The following GLIS3 variants were observed in gnomAD, a reference collection of about 807,000 sequenced individuals.
GLIS3 encodes the protein zinc finger protein GLIS3.
In GLIS3, 53 loss-of-function variants were observed where a neutral mutation model predicts 78.6. The observed-to-expected ratio is 0.67, with a 90% confidence interval of 0.54 to 0.85. The LOEUF is 0.85. Among genes scored for constraint, GLIS3 ranks in the 40% least tolerant of loss-of-function variants. GLIS3 has a pLI of 0.00. For missense variants in GLIS3, 1,703 were observed against 1,231.1 expected (o/e 1.38, Z -5.74); for synonymous variants, 684 against 509.9 (o/e 1.34, Z -4.60).
At chr9:3,898,368 T>C in intron 7 of GLIS3, 1 of 379,382 alleles carries the variant, frequency 2.6e-6, no homozygotes, top group South Asian at 2.3e-5. Context: ...GCTACCTGCT[T>C]AAGGAGGAAA....
At chr9:4,338,023 G>T (rs1318770586) in intron 2 of GLIS3, among the ~76,000 whole-genome samples, 8 of 115,706 alleles carry the variant, frequency 6.9e-5, no homozygotes, top group Non-Finnish European at 3.6e-5. Flanking sequence ...GATTGGCAAG[G>T]CTGTGTGTGT....
chr9:3,975,739 G>A (rs1818732034), intron 4 of GLIS3, among the ~76,000 whole-genome samples: 1 of 152,098 alleles, frequency 6.6e-6, no homozygotes, highest in South Asian at 2.1e-4. Flanking sequence ...ATCGTGACAA[G>A]TCTCACAGAT....
chr9:4,040,052 C>G lies in GLIS3; in HGVS notation c.1710+77716G>C, dbSNP rs532493030. Reference sequence around the variant, plus strand: ...CCAAACAGAGGGTAACTGAGACCTCCTGTTTAATGAAATTACATCCTCTGC... The same window carrying G: ...CCAAACAGAGGGTAACTGAGACCTCGTGTTTAATGAAATTACATCCTCTGC... On this transcript the variant is annotated intron_variant, in intron 4 of 10. Coordinates refer to ENST00000381971, the MANE Select transcript of GLIS3 (RefSeq NM_001042413.2). Among the ~76,000 whole-genome samples the G allele has an allele frequency of 2.2e-4, 34 of 152,236 alleles. 2 individuals are homozygous for G. In the South Asian group the frequency reaches 7.1e-3, roughly 32 times the overall value.
At chr9:4,338,527 C>A (rs1353128963) in intron 2 of GLIS3, among the ~76,000 whole-genome samples, 1 of 152,052 alleles carries the variant, frequency 6.6e-6, no homozygotes, top group Non-Finnish European at 1.5e-5. Flanking sequence ...ATCTACTAGT[C>A]AATGACTGTA....
the GLIS3 span, among the ~76,000 whole-genome samples, chr9:4,370,883 T>C: frequency 4.6e-5 from 7 of 151,968 alleles, no homozygotes; most frequent in Non-Finnish European, 7.4e-5. Flanking sequence ...AACCACAAAT[T>C]AGTGAAACCT....
intron 4 of GLIS3, among the ~76,000 whole-genome samples, chr9:4,089,899 T>C (rs551203709): frequency 1.3e-5 from 2 of 152,286 alleles, no homozygotes; most frequent in South Asian, 4.1e-4. Context: ...AAATCCACAT[T>C]TCCGGGTGAT....
rs79895132 is a variant in GLIS3 at position 3,825,432 on chromosome 9, T to A, written c.*2840A>T. On this transcript the variant is annotated 3_prime_UTR_variant, in exon 11 of 11. Transcript: ENST00000381971. Reference sequence around the variant, plus strand: ...AATGAAATGTCTCTAGGCAGACTGATTTTTTTTTTAATGCAATAGGATAAT... The same window carrying A: ...AATGAAATGTCTCTAGGCAGACTGAATTTTTTTTTAATGCAATAGGATAAT... 8.4e-6 allele frequency: 1 copy of A among 119,032 alleles called. No individual in the cohort carries two copies. Among genetic ancestry groups the A allele is most frequent in the African/African-American group, 2.6e-5 (1 of 37,966 alleles). The allele number at this position is 119,032 out of a possible 1,614,324, so 7.4% of individuals were successfully genotyped here.
At chr9:4,377,997 AG>A in the GLIS3 span, among the ~76,000 whole-genome samples, 2 of 152,212 alleles carry the variant, frequency 1.3e-5, no homozygotes, top group Non-Finnish European at 2.9e-5. Context: ...CTCTGCAGCC[AG>A]TAAAACTTAT....
Position 3,976,323 on chromosome 9 carries a change from C to T in GLIS3, c.1711-39134G>A, listed in dbSNP as rs554658905. ...TATCTTTCCAAACTTTATATTTCCACACTTGTCCAAGAGGACAGAGCTTCC... is the reference window on the plus strand; with the variant it reads ...TATCTTTCCAAACTTTATATTTCCATACTTGTCCAAGAGGACAGAGCTTCC... On this transcript the variant is annotated intron_variant, in intron 4 of 10. Coordinates refer to ENST00000381971, the MANE Select transcript of GLIS3 (RefSeq NM_001042413.2). Among the ~76,000 whole-genome samples the T allele has an allele frequency of 3.2e-3, 483 of 152,146 alleles. 2 individuals are homozygous for T. The highest frequency in any genetic ancestry group is 0.011 in the African/African-American group (471 of 41,490).
At chr9:3,847,265 G>A (rs1819114676) in intron 9 of GLIS3, among the ~76,000 whole-genome samples, 1 of 152,140 alleles carries the variant, frequency 6.6e-6, no homozygotes, top group East Asian at 1.9e-4. Context: ...GAAGTGCCCA[G>A]AGAAAAGAGG....
At chr9:4,114,236 C>T (rs1315970639) in intron 4 of GLIS3, among the ~76,000 whole-genome samples, 1 of 152,098 alleles carries the variant, frequency 6.6e-6, no homozygotes, top group Non-Finnish European at 1.5e-5. Flanking sequence ...TACTGGGCAC[C>T]GTTACCCAAC....
chr9:4,270,671 A>G (rs1826417874), intron 2 of GLIS3, among the ~76,000 whole-genome samples: 1 of 152,190 alleles, frequency 6.6e-6, no homozygotes, highest in African/African-American at 2.4e-5. Flanking sequence ...CAATAAACAT[A>G]AGTCAAACTT....
intron 2 of GLIS3, among the ~76,000 whole-genome samples, chr9:4,204,976 C>T (rs978068438): frequency 4.0e-5 from 6 of 151,346 alleles, no homozygotes; most frequent in Non-Finnish European, 8.8e-5. Flanking sequence ...TCAAGAGTTT[C>T]AGACCAACCT....
chr9:4,036,820 T>A (rs576707360), intron 4 of GLIS3, among the ~76,000 whole-genome samples: 9 of 152,320 alleles, frequency 5.9e-5, no homozygotes, highest in African/African-American at 2.2e-4. Flanking sequence ...TTTGGAGGAC[T>A]CATTCTTGAT....
At chr9:4,469,681 C>G in the GLIS3 span, among the ~76,000 whole-genome samples, 2 of 152,114 alleles carry the variant, frequency 1.3e-5, no homozygotes, top group Non-Finnish European at 2.9e-5. Flanking sequence ...CAAGAGAAAG[C>G]AGGAAAGATC....
chr9:4,478,589 C>T, the GLIS3 span, among the ~76,000 whole-genome samples: 19 of 149,650 alleles, frequency 1.3e-4, no homozygotes, highest in East Asian at 1.2e-3. Flanking sequence ...CCAGCCTGGG[C>T]GACAGAGATT....
At chr9:4,489,682 C>T in the GLIS3 span, among the ~76,000 whole-genome samples, 1 of 152,220 alleles carries the variant, frequency 6.6e-6, no homozygotes. Context: ...GGATGGACCG[C>T]CCACTTTCTC....
At chr9:3,872,447 G>T (rs1821027771) in intron 8 of GLIS3, among the ~76,000 whole-genome samples, 1 of 152,202 alleles carries the variant, frequency 6.6e-6, no homozygotes, top group Non-Finnish European at 1.5e-5. Flanking sequence ...AAAGAAAGAG[G>T]TTTAATTGGA....
chr9:4,237,829 T>C (rs186231547), intron 2 of GLIS3, among the ~76,000 whole-genome samples: 2 of 152,354 alleles, frequency 1.3e-5, no homozygotes, highest in Non-Finnish European at 2.9e-5. Flanking sequence ...GTAAGCACAT[T>C]TTGTCTTTCC....
Sources: allele counts gnomAD v4.1 joint callset (sites outside exome capture counted in the v4.1 genomes callset), GRCh38; gene constraint gnomAD v4.1.1; transcripts MANE v1.5; gene names NCBI Gene and HGNC (gene_info 2026-07-23, HGNC 2026-07-21).